Variants in RNF157 observed in about 807,000 individuals in gnomAD.
The protein encoded by RNF157 is ring finger protein 157, also known as E3 ubiquitin ligase RNF157.
RNF157 carries 55 observed loss-of-function variants against 88.3 expected under a neutral mutation model. The ratio of observed to expected loss-of-function variants is 0.62; its 90% CI spans 0.50 to 0.78. The LOEUF is 0.78. RNF157 is among the 30% of genes least tolerant of loss of function. The pLI is 0.00. For missense variants in RNF157, 788 were observed against 860.8 expected, an observed-to-expected ratio of 0.92 and a Z score of 1.06; for synonymous variants, 334 against 341.2, an observed-to-expected ratio of 0.98 and a Z score of 0.23.
intron 2 of RNF157, among the ~76,000 whole-genome samples, chr17:76,206,876 ATGC>A (rs2069690157): frequency 6.6e-6 from 1 of 152,236 alleles, no homozygotes; most frequent in Non-Finnish European, 1.5e-5. Context: ...ACATTGCTGC[ATGC>A]TGCTTTTTGT....
chr17:76,216,708 A>T lies in RNF157; in HGVS notation c.89-4226T>A, dbSNP rs561966607. 1.8e-3 allele frequency among the ~76,000 whole-genome samples: 271 copies of T among 152,134 alleles called. 3 individuals carry two copies. The highest frequency in any genetic ancestry group is 6.3e-3 in the African/African-American group (260 of 41,492). Reference sequence around the variant, plus strand: ...ATTAAAAATGTTCACAATATATTATAATTAGACCCTTGTCTCGACAAAAAA... The same window carrying T: ...ATTAAAAATGTTCACAATATATTATTATTAGACCCTTGTCTCGACAAAAAA... On this transcript the variant is annotated intron_variant, in intron 1 of 18. Transcript: ENST00000269391.
At chr17:76,222,953 C>T (rs1042675523) in intron 1 of RNF157, among the ~76,000 whole-genome samples, 1 of 151,810 alleles carries the variant, frequency 6.6e-6, no homozygotes, top group Non-Finnish European at 1.5e-5. Context: ...TGCAGAGGCC[C>T]GATCCTGGCT....
In RNF157 at chr17:76,216,745, G is replaced by T. The variant is rs115623821; in HGVS notation, c.89-4263C>A. ...GTCTCGACAAAAAATTAAAAAATTAGCTGGGTATGATGGCCCAAGCCTGTG... is the reference window on the plus strand; with the variant it reads ...GTCTCGACAAAAAATTAAAAAATTATCTGGGTATGATGGCCCAAGCCTGTG... On this transcript the variant is annotated intron_variant, in intron 1 of 18. Transcript: ENST00000269391. 6.3e-3 allele frequency among the ~76,000 whole-genome samples: 952 copies of T among 151,340 alleles called. 6 individuals are homozygous for T. The highest frequency in any genetic ancestry group is 0.021 in the African/African-American group (882 of 41,302).
chr17:76,235,759 AC>A (rs2070272869), intron 1 of RNF157, among the ~76,000 whole-genome samples: 2 of 152,184 alleles, frequency 1.3e-5, no homozygotes, highest in South Asian at 4.1e-4. Flanking sequence ...CTGTAATCCC[AC>A]TGCTTTGGGA....
chr17:76,182,874 T>A (rs2069221209), intron 2 of RNF157, among the ~76,000 whole-genome samples: 2 of 146,682 alleles, frequency 1.4e-5, no homozygotes, highest in Admixed American at 1.4e-4. Context: ...ATCCTATATA[T>A]CATAATAATA....
At chr17:76,212,097 TG>T (rs1416646923) in intron 2 of RNF157, 2 of 278,868 alleles carry the variant, frequency 7.2e-6, no homozygotes, top group Non-Finnish European at 1.3e-5. Flanking sequence ...GGAAAAGGGT[TG>T]CCTAAAGAGG....
Position 76,142,923 on chromosome 17 carries a change from T to C in RNF157, c.*2312A>G, listed in dbSNP as rs2068535634. ...GTCTCCATAGTTAGGCTGTGCCCTG[T>C]GGGAGAAGCCAGGCCCCACCTCTTC... On this transcript the variant is annotated 3_prime_UTR_variant, in exon 19 of 19. Coordinates refer to ENST00000269391, the MANE Select transcript of RNF157 (RefSeq NM_052916.3). 6.6e-6 allele frequency: 1 copy of C among 152,262 alleles called. No individual in the cohort carries two copies. The highest frequency in any genetic ancestry group is 1.5e-5 in the Non-Finnish European group (1 of 68,090). 9.4% of individuals were successfully genotyped at this position (152,262 alleles called of 1,614,324 possible). A position where few individuals can be genotyped will look rare whatever the true frequency, so the allele number is the denominator to read the frequency against.
At position 76,143,469 on chromosome 17, in the gene RNF157, A is replaced by G. The variant is rs1277131485; in HGVS notation, c.*1766T>C. On this transcript the variant is annotated 3_prime_UTR_variant, in exon 19 of 19. Coordinates refer to ENST00000269391, the MANE Select transcript of RNF157 (RefSeq NM_052916.3). ...TGCTTCTGGGCTCATATTTCAGGGA[A>G]ATCAGGAAGTGGGGTTATTGCTCAG... 1 of 152,310 alleles carries G rather than the reference A, an allele frequency of 6.6e-6. No individual in the cohort carries two copies. Among genetic ancestry groups the G allele is most frequent in the Non-Finnish European group, 1.5e-5 (1 of 68,094 alleles). 9.4% of individuals were successfully genotyped at this position (152,310 alleles called of 1,614,324 possible). A position where few individuals can be genotyped will look rare whatever the true frequency, so the allele number is the denominator to read the frequency against.
At chr17:76,184,575 GC>G (rs1399519348) in intron 2 of RNF157, among the ~76,000 whole-genome samples, 1 of 152,168 alleles carries the variant, frequency 6.6e-6, no homozygotes, top group Non-Finnish European at 1.5e-5. Context: ...AGACTGATGT[GC>G]CTGCTGTAGA....
chr17:76,162,207 C>T (rs529057474), intron 9 of RNF157: 16 of 609,202 alleles, frequency 2.6e-5, no homozygotes, highest in Admixed American at 1.5e-4. Context: ...ATTGAGAGGA[C>T]GAGACTAACC....
chr17:76,155,084 G>T (rs2068741461), intron 16 of RNF157, among the ~76,000 whole-genome samples, 168 bp downstream of exon 16: 1 of 152,226 alleles, frequency 6.6e-6, no homozygotes, highest in African/African-American at 2.4e-5. Flanking sequence ...CCCGGGAGCA[G>T]CTGCTCTCAT....
At chr17:76,194,770 C>T (rs1489609051) in intron 2 of RNF157, among the ~76,000 whole-genome samples, 3 of 152,148 alleles carry the variant, frequency 2.0e-5, no homozygotes, top group Non-Finnish European at 4.4e-5. Context: ...AATCCCAGCA[C>T]TTTGGGAGGC....
chr17:76,185,467 A>G (rs1206938273), intron 2 of RNF157, among the ~76,000 whole-genome samples: 1 of 146,288 alleles, frequency 6.8e-6, no homozygotes, highest in East Asian at 1.9e-4. Flanking sequence ...GTCAGAGATT[A>G]GTCCTTTCTT....
At chr17:76,212,779 T>C (rs2069824850) in intron 1 of RNF157, among the ~76,000 whole-genome samples, 1 of 152,090 alleles carries the variant, frequency 6.6e-6, no homozygotes, top group African/African-American at 2.4e-5. Context: ...GGAGGATGGC[T>C]TGAACCCAGG....
At chr17:76,206,071 A>AT (rs1050335950) in intron 2 of RNF157, among the ~76,000 whole-genome samples, 7 of 151,862 alleles carry the variant, frequency 4.6e-5, no homozygotes, top group African/African-American at 1.7e-4. Flanking sequence ...CTCTATAGAA[A>AT]TTTTTTTTAA....
Position 76,146,862 on chromosome 17 carries a change from T to C in RNF157, c.1922-1509A>G. On this transcript the variant is annotated intron_variant, in intron 18 of 18. Transcript: ENST00000269391. The surrounding 1 kb of genome is among the most constrained non-coding windows in gnomAD (Gnocchi z 4.2). ...TGGCCGTGAGGTTGAGAGAGGCCAC[T>C]CACAAGTGTCCAGGGTCAGCCTCAG... 1 of 985,442 alleles carries C rather than the reference T, an allele frequency of 1.0e-6. No individual in the cohort carries two copies. Among genetic ancestry groups the C allele is most frequent in the South Asian group, 4.7e-5 (1 of 21,282 alleles). 61.0% of individuals were successfully genotyped at this position (985,442 alleles called of 1,614,324 possible).
intron 2 of RNF157, among the ~76,000 whole-genome samples, chr17:76,202,137 C>A (rs2069593896): frequency 6.7e-6 from 1 of 148,356 alleles, no homozygotes; most frequent in Non-Finnish European, 1.5e-5. Context: ...CTCACACACA[C>A]ACACACACAC....
chr17:76,159,319 A>C lies in RNF157; in HGVS notation c.1304+16T>G, dbSNP rs2068812714. The C allele has an allele frequency of 6.3e-7, 1 of 1,598,326 alleles. No individual in the cohort carries two copies. The highest frequency in any genetic ancestry group is 8.6e-7 in the Non-Finnish European group (1 of 1,166,034). On this transcript the variant is annotated intron_variant, in intron 12 of 18. Coordinates refer to ENST00000269391, the MANE Select transcript of RNF157 (RefSeq NM_052916.3). ...AAGGATTCCGGGGGCAACAGTGTGG[A>C]GCACTGGCTACTCACTTGGAGAGAC...
intron 2 of RNF157, among the ~76,000 whole-genome samples, chr17:76,185,689 T>TA (rs1220927170): frequency 1.3e-5 from 2 of 152,008 alleles, no homozygotes; most frequent in African/African-American, 2.4e-5. Flanking sequence ...CAGGATGGTC[T>TA]CGATCTCCTG....
Sources: allele counts gnomAD v4.1 joint callset (sites outside exome capture counted in the v4.1 genomes callset), GRCh38; gene constraint gnomAD v4.1.1; non-coding constraint Gnocchi (gnomAD v3.1); transcripts MANE v1.5; gene names NCBI Gene and HGNC (gene_info 2026-07-23, HGNC 2026-07-21).